Variants in MYCBP2 observed in about 807,000 individuals in gnomAD.
The protein encoded by MYCBP2 is MYC binding protein 2.
A neutral mutation model predicts 525.3 loss-of-function variants in MYCBP2; 120 were observed. The observed-to-expected ratio is 0.23, with a 90% confidence interval of 0.20 to 0.27. MYCBP2 has a LOEUF of 0.27. Ranked by LOEUF, MYCBP2 falls within the 10% of genes least tolerant of loss-of-function variation. The probability of loss-of-function intolerance (pLI) is 1.00; values close to 1 mark genes in which losing one functional copy is unlikely to be tolerated. For missense variants in MYCBP2, 4,149 were observed against 5,657.1 expected (o/e 0.73, Z 8.55); for synonymous variants, 1,894 against 1,955.8 (o/e 0.97, Z 0.83).
At chr13:77,262,817 G>C (rs1413560010) in intron 10 of MYCBP2, among the ~76,000 whole-genome samples, 2 of 151,824 alleles carry the variant, frequency 1.3e-5, no homozygotes, top group African/African-American at 4.8e-5. Context: ...CTACTAACTA[G>C]TTTATGGGCT....
Position 77,055,009 on chromosome 13 carries a change from G to A in MYCBP2, c.13647+549C>T, listed in dbSNP as rs112844764. The stretch of plus-strand genomic sequence containing the variant: ...GTAACTAAATCTCAAAAATTTTGGG[G>A]GGTCATAAACATATACATGGTAGGT... On this transcript the variant is annotated intron_variant, in intron 80 of 82. Coordinates refer to ENST00000544440, the MANE Select transcript of MYCBP2 (RefSeq NM_015057.5). Among the ~76,000 whole-genome samples the A allele has an allele frequency of 2.1e-3, 318 of 152,138 alleles. 2 individuals carry two copies. Among genetic ancestry groups the A allele is most frequent in the African/African-American group, 5.6e-3 (233 of 41,502 alleles).
intron 82 of MYCBP2, among the ~76,000 whole-genome samples, chr13:77,047,253 G>C (rs1474010359): frequency 4.6e-5 from 7 of 152,098 alleles, no homozygotes; most frequent in African/African-American, 1.7e-4. Context: ...AGTCATAGGA[G>C]GCAGAAACGA....
chr13:77,254,235 T>C (rs1405137260), intron 14 of MYCBP2, among the ~76,000 whole-genome samples: 1 of 151,866 alleles, frequency 6.6e-6, no homozygotes, highest in African/African-American at 2.4e-5. Flanking sequence ...ACATAAAATA[T>C]AAAAGAACAT....
intron 26 of MYCBP2, among the ~76,000 whole-genome samples, chr13:77,195,787 T>C (rs1380345008): frequency 1.3e-5 from 2 of 152,202 alleles, no homozygotes; most frequent in Non-Finnish European, 2.9e-5. Flanking sequence ...ATTTTTGTAT[T>C]TGTTTCATGA....
intron 21 of MYCBP2, among the ~76,000 whole-genome samples, chr13:77,216,801 T>C (rs370451384): frequency 5.9e-5 from 9 of 152,088 alleles, no homozygotes; most frequent in African/African-American, 9.6e-5. Flanking sequence ...TGATCCTAGA[T>C]TGGAGGGGAA....
At chr13:77,321,216 T>C (rs1382834005) in intron 1 of MYCBP2, among the ~76,000 whole-genome samples, 2 of 152,222 alleles carry the variant, frequency 1.3e-5, no homozygotes, top group African/African-American at 4.8e-5. Flanking sequence ...TATTTTTAGA[T>C]TGACATTTTT....
At chr13:77,147,786 A>T (rs1283822900) in intron 47 of MYCBP2, among the ~76,000 whole-genome samples, 1 of 152,140 alleles carries the variant, frequency 6.6e-6, no homozygotes, top group African/African-American at 2.4e-5. Flanking sequence ...ATGAAAGAAG[A>T]GACCATATTT....
chr13:77,050,837 C>T (rs7991760), intron 82 of MYCBP2, among the ~76,000 whole-genome samples, 160 bp downstream of exon 82: 86,545 of 151,986 alleles, frequency 0.57, 28,082 homozygotes, highest in Non-Finnish European at 0.73. Context: ...CCTAATTCAC[C>T]CAGAAAGTCA....
Position 77,224,802 on chromosome 13 carries a change from T to TGG in MYCBP2, c.2858-272_2858-271dup, listed in dbSNP as rs2066036556. On this transcript the variant is annotated intron_variant, in intron 19 of 82. Transcript: ENST00000544440. ...ATAACATTAATTCTTATTAACACAC[T>TGG]GGTTCAGGTCAACTGTAAAATCTTC... Among the ~76,000 whole-genome samples, 4 of 152,164 alleles carry TGG rather than the reference T, an allele frequency of 2.6e-5. No individual in the cohort carries two copies. The South Asian group carries it at 8.3e-4, about 31-fold the overall frequency.
intron 26 of MYCBP2, among the ~76,000 whole-genome samples, chr13:77,194,915 G>T (rs1427232255): frequency 1.3e-5 from 2 of 151,868 alleles, no homozygotes; most frequent in Admixed American, 1.3e-4. Context: ...TAAAAAAGAG[G>T]GGAAGATCCT....
intron 26 of MYCBP2, among the ~76,000 whole-genome samples, chr13:77,201,348 C>T (rs1248158440): frequency 6.7e-6 from 1 of 150,128 alleles, no homozygotes; most frequent in African/African-American, 2.5e-5. Flanking sequence ...GCTAACTATC[C>T]TAAATATATA....
In MYCBP2 at chr13:77,203,336, A is replaced by C. The variant is rs1362092980; in HGVS notation, c.3843+1920T>G. On this transcript the variant is annotated intron_variant, in intron 26 of 82. Coordinates refer to ENST00000544440, the MANE Select transcript of MYCBP2 (RefSeq NM_015057.5). ...TAAAATACCTAGGAATCCAACTTAC[A>C]AGGGATGGGAAGGACCTCTTCAAGG... is the stretch of plus-strand genomic sequence containing the variant. Among the ~76,000 whole-genome samples, 8 of 152,162 alleles carry C rather than the reference A, an allele frequency of 5.3e-5. No homozygotes were observed. In the East Asian group the frequency reaches 1.3e-3, roughly 26 times the overall value.
chr13:77,062,714 C>T lies in MYCBP2; in HGVS notation c.12673-17G>A. On this transcript the variant is annotated splice_polypyrimidine_tract_variant and intron_variant, in intron 73 of 82. Coordinates refer to ENST00000544440, the MANE Select transcript of MYCBP2 (RefSeq NM_015057.5). ...AAGCCAGAGCTGTTGAAAGGGAAGGCTGTTACACCACTGAATTTTTAGGAA... is the reference window on the plus strand; with the variant it reads ...AAGCCAGAGCTGTTGAAAGGGAAGGTTGTTACACCACTGAATTTTTAGGAA... 1 of 1,599,926 alleles carries T rather than the reference C, an allele frequency of 6.3e-7. No individual in the cohort carries two copies. The highest frequency in any genetic ancestry group is 8.6e-7 in the Non-Finnish European group (1 of 1,167,648).
chr13:77,206,930 C>G (rs2063417429), intron 23 of MYCBP2, 105 bp from the exon 24 acceptor site: 2 of 987,328 alleles, frequency 2.0e-6, no homozygotes, highest in Non-Finnish European at 2.8e-6. Context: ...ATATAGTCAG[C>G]TTAAAGAGGA....
chr13:77,190,485 C>T, intron 28 of MYCBP2, 150 bp from the exon 29 acceptor site: 1 of 574,010 alleles, frequency 1.7e-6, no homozygotes, highest in Non-Finnish European at 3.1e-6. Flanking sequence ...GATTTTCATT[C>T]TAGCTCTGAA....
In MYCBP2 at chr13:77,177,938, G is replaced by C; in HGVS notation, c.5150C>G (p.Ser1717Cys). 6.2e-7 allele frequency: 1 copy of C among 1,608,124 alleles called. No individual in the cohort carries two copies. Among genetic ancestry groups the C allele is most frequent in the Non-Finnish European group, 8.5e-7 (1 of 1,174,596 alleles). The part of the protein sequence containing the change: ...ALGSEVDGLN[S>C]LHSVKASANR... ...AGCACTAGCTTTTACAGAGTGAAGA[G>C]AATTAAGTCCATCAACCTGTGAACA... Residue 1717 changes from serine to cysteine, a missense_variant, in exon 35 of 83, where the codon TCT becomes TGT. Transcript: ENST00000544440.
chr13:77,204,172 T>A (rs1303695997), intron 26 of MYCBP2, among the ~76,000 whole-genome samples: 1 of 151,682 alleles, frequency 6.6e-6, no homozygotes, highest in Admixed American at 6.6e-5. Context: ...ATATCCAGAA[T>A]CTACAATGAA....
intron 41 of MYCBP2, among the ~76,000 whole-genome samples, chr13:77,166,102 TC>T (rs1351521132): frequency 6.6e-6 from 1 of 152,200 alleles, no homozygotes; most frequent in Non-Finnish European, 1.5e-5. Context: ...CTCAAGCTAA[TC>T]TTTTTTTCAC....
chr13:77,076,887 G>A (rs906873670), intron 67 of MYCBP2, 38 bp from the exon 68 acceptor site: 1 of 1,464,684 alleles, frequency 6.8e-7, no homozygotes, highest in Non-Finnish European at 9.5e-7. Context: ...ATTAATGACA[G>A]GCATTAACAC....
Sources: gnomAD v4.1 joint callset for allele counts (sites outside exome capture counted in the v4.1 genomes callset) on GRCh38, gnomAD v4.1.1 for gene constraint, MANE v1.5 for transcripts, NCBI Gene and HGNC (gene_info 2026-07-23, HGNC 2026-07-21) for gene names.